CCDC30: variants seen among roughly 807,000 people sequenced by gnomAD.
CCDC30 encodes coiled-coil domain containing 30, also known as coiled-coil domain-containing protein 30.
A neutral mutation model predicts 100.2 loss-of-function variants in CCDC30; 70 were observed. The observed-to-expected ratio is 0.70, with a 90% confidence interval of 0.58 to 0.85. CCDC30 has a LOEUF of 0.85. Ranked by LOEUF, CCDC30 falls within the 40% of genes least tolerant of loss-of-function variation. The pLI is 0.00. For synonymous variants in CCDC30, 233 were observed against 269.5 expected (o/e 0.86, Z 1.33); for missense variants, 652 against 771.2 (o/e 0.85, Z 1.83).
At chr1:42,642,945 G>A (rs940468813) in intron 13 of CCDC30, among the ~76,000 whole-genome samples, 1 of 152,178 alleles carries the variant, frequency 6.6e-6, no homozygotes, top group Non-Finnish European at 1.5e-5. Flanking sequence ...TAGAACAAGA[G>A]AGAATTAGGC....
chr1:42,655,548 A>G (rs1236644102), downstream of CCDC30, among the ~76,000 whole-genome samples: 14 of 152,158 alleles, frequency 9.2e-5, no homozygotes, highest in Admixed American at 7.9e-4. Context: ...CTCCATCTCG[A>G]AAAAATAAAT....
chr1:42,555,207 A>C (rs1231116657), intron 6 of CCDC30, among the ~76,000 whole-genome samples: 2 of 152,100 alleles, frequency 1.3e-5, no homozygotes, highest in Non-Finnish European at 2.9e-5. Flanking sequence ...TTTCTAAAGC[A>C]CCTTCTCTCT....
At chr1:42,543,884 T>C (rs1645067388) in intron 6 of CCDC30, among the ~76,000 whole-genome samples, 1 of 152,220 alleles carries the variant, frequency 6.6e-6, no homozygotes, top group African/African-American at 2.4e-5. Flanking sequence ...TCTCTTAAAG[T>C]AAACTTAAAT....
At chr1:42,561,248 C>A (rs1645480684) in intron 6 of CCDC30, among the ~76,000 whole-genome samples, 2 of 152,176 alleles carry the variant, frequency 1.3e-5, no homozygotes, top group Admixed American at 6.5e-5. Context: ...CATCAAAAAA[C>A]TTATCCACCA....
At chr1:42,513,062 T>C (rs566466730) in intron 6 of CCDC30, among the ~76,000 whole-genome samples, 1 of 152,334 alleles carries the variant, frequency 6.6e-6, no homozygotes, top group Non-Finnish European at 1.5e-5. Flanking sequence ...ATACCTTCTG[T>C]TCCTGTTCTG....
chr1:42,518,575 T>G (rs1479556372), intron 6 of CCDC30, among the ~76,000 whole-genome samples: 1 of 152,230 alleles, frequency 6.6e-6, no homozygotes, highest in Non-Finnish European at 1.5e-5. Flanking sequence ...TGTACAGATT[T>G]GTAGCCTGGG....
chr1:42,547,937 A>G (rs897903699), intron 6 of CCDC30, among the ~76,000 whole-genome samples: 1 of 152,240 alleles, frequency 6.6e-6, no homozygotes, highest in Admixed American at 6.5e-5. Flanking sequence ...AACACAAAGC[A>G]TGGGCTCTGG....
chr1:42,509,113 C>T (rs12142430), intron 6 of CCDC30, among the ~76,000 whole-genome samples: 1 of 151,974 alleles, frequency 6.6e-6, no homozygotes, highest in Admixed American at 6.5e-5. Flanking sequence ...GCTTTTGAAA[C>T]CTTCATTGCA....
downstream of CCDC30, chr1:42,654,276 C>T: frequency 2.2e-6 from 1 of 449,086 alleles, no homozygotes; most frequent in South Asian, 2.9e-5. Flanking sequence ...GGTTTCTCTT[C>T]AGCAGAGCAC....
At chr1:42,560,820 A>G (rs1475306082) in intron 6 of CCDC30, among the ~76,000 whole-genome samples, 6 of 152,246 alleles carry the variant, frequency 3.9e-5, no homozygotes, top group Admixed American at 1.3e-4. Flanking sequence ...AGAGAATATT[A>G]TAAACACCTC....
chr1:42,623,352 A>C (rs550576215), intron 11 of CCDC30, among the ~76,000 whole-genome samples: 1 of 151,828 alleles, frequency 6.6e-6, no homozygotes, highest in South Asian at 2.1e-4. Context: ...TTCTTATAGT[A>C]CTCTTACACT....
chr1:42,604,077 G>A (rs1646458127), intron 10 of CCDC30, among the ~76,000 whole-genome samples: 2 of 151,780 alleles, frequency 1.3e-5, no homozygotes, highest in African/African-American at 2.4e-5. Context: ...TAATTAGCTG[G>A]GTGGTACATG....
chr1:42,506,917 T>G (rs1346644617), intron 6 of CCDC30, among the ~76,000 whole-genome samples: 3 of 152,184 alleles, frequency 2.0e-5, no homozygotes, highest in Non-Finnish European at 4.4e-5. Context: ...TATCCTTGCA[T>G]TGGTTTAATG....
chr1:42,590,609 G>A (rs1245406430), intron 10 of CCDC30: 4 of 152,004 alleles, frequency 2.6e-5, no homozygotes, highest in African/African-American at 9.7e-5. Flanking sequence ...TGGTGGCATG[G>A]ACCTGTAGTA....
At chr1:42,570,277 G>T (rs1472909146) in intron 7 of CCDC30, among the ~76,000 whole-genome samples, 1 of 151,502 alleles carries the variant, frequency 6.6e-6, no homozygotes, top group Non-Finnish European at 1.5e-5. Flanking sequence ...AGTGAGCTAT[G>T]ATCACACCAC....
downstream of CCDC30, among the ~76,000 whole-genome samples, chr1:42,656,788 CAAATG>C (rs748107553): frequency 5.9e-5 from 9 of 152,070 alleles, no homozygotes; most frequent in Non-Finnish European, 1.2e-4. Flanking sequence ...TTGTGAGGAC[CAAATG>C]AAATGAAGCA....
chr1:42,484,100 G>T (rs1347438254), intron 3 of CCDC30, among the ~76,000 whole-genome samples: 1 of 124,906 alleles, frequency 8.0e-6, no homozygotes, highest in Non-Finnish European at 1.9e-5. Context: ...AAACAATAAT[G>T]ATTATGCCTG....
intron 11 of CCDC30, 78 bp downstream of exon 15, chr1:42,611,168 T>C: frequency 1.3e-6 from 1 of 797,762 alleles, no homozygotes; most frequent in African/African-American, 1.8e-5. Flanking sequence ...TAGGGCTAAA[T>C]GGTGGGCTGC....
At chr1:42,533,617 G>C (rs562667758) in intron 6 of CCDC30, among the ~76,000 whole-genome samples, 1 of 152,280 alleles carries the variant, frequency 6.6e-6, no homozygotes, top group East Asian at 1.9e-4. Flanking sequence ...TAACTCATGA[G>C]GGCTACAGCA....
Sources: allele counts gnomAD v4.1 joint callset (sites outside exome capture counted in the v4.1 genomes callset), GRCh38; gene constraint gnomAD v4.1.1; transcripts MANE v1.5; gene names NCBI Gene and HGNC (gene_info 2026-07-23, HGNC 2026-07-21).